The following RRN3 variants were observed in gnomAD, a reference collection of about 807,000 sequenced individuals.
RRN3 encodes the protein RNA polymerase I-specific transcription initiation factor RRN3.
Under a neutral mutation model 82.3 loss-of-function variants are expected in RRN3, and 38 were observed. The ratio of observed to expected loss-of-function variants is 0.46; its 90% CI spans 0.36 to 0.61. The LOEUF (loss-of-function observed/expected upper bound fraction) is 0.61, where lower values mean the gene tolerates loss of function less well. Among genes scored for constraint, RRN3 ranks in the 20% least tolerant of loss-of-function variants. RRN3 has a pLI of 0.00. For synonymous variants in RRN3, 284 were observed against 284.3 expected, an observed-to-expected ratio of 1.00 and a Z score of 0.01; for missense variants, 726 against 793.1, an observed-to-expected ratio of 0.92 and a Z score of 1.02.
intron 15 of RRN3, among the ~76,000 whole-genome samples, chr16:15,066,233 A>G (rs561957009): frequency 6.6e-6 from 1 of 152,284 alleles, no homozygotes; most frequent in African/African-American, 2.4e-5. Flanking sequence ...ACTATCAGGT[A>G]AAGTTGAAGA....
intron 17 of RRN3, 101 bp from the exon 18 acceptor site, chr16:15,062,006 G>A (rs1482993180): frequency 8.6e-6 from 10 of 1,163,770 alleles, no homozygotes; most frequent in Non-Finnish European, 1.1e-5. Flanking sequence ...TAAAGATGGT[G>A]AAGAAAATAT....
Position 15,080,007 on chromosome 16 carries a change from G to C in RRN3, c.756C>G (p.Leu252=). 4 of 1,594,724 alleles carry C rather than the reference G, an allele frequency of 2.5e-6. No homozygotes were observed. Among genetic ancestry groups the C allele is most frequent in the Non-Finnish European group, 3.4e-6 (4 of 1,170,732 alleles). The change falls in exon 9 of 18, where the codon CTC becomes CTG. Residue 252 remains leucine, a synonymous_variant. Coordinates refer to ENST00000198767, the MANE Select transcript of RRN3 (RefSeq NM_018427.5). ...EILELIIEKL[L]KLDVNASRQG... ...ATTACTCAATACTTACATCCAACTT[G>C]AGTAGTTTTTCAATAATAAGCTCCA...
chr16:15,086,982 T>G (rs2045935772), intron 3 of RRN3, among the ~76,000 whole-genome samples: 1 of 152,216 alleles, frequency 6.6e-6, no homozygotes, highest in African/African-American at 2.4e-5. Flanking sequence ...ATAGCCCCAT[T>G]CCTCCATGAA....
chr16:15,078,373 T>A (rs1597944721), intron 9 of RRN3, among the ~76,000 whole-genome samples: 1 of 152,142 alleles, frequency 6.6e-6, no homozygotes, highest in East Asian at 1.9e-4. Flanking sequence ...CATCCCCTCC[T>A]TCCACCACAA....
intron 10 of RRN3, among the ~76,000 whole-genome samples, chr16:15,075,408 CA>C (rs2045412404): frequency 6.6e-6 from 1 of 151,522 alleles, no homozygotes; most frequent in Non-Finnish European, 1.5e-5. Flanking sequence ...CCTGTCTCTA[CA>C]AAAATAGAAA....
At chr16:15,075,800 T>G (rs1178147684) in intron 10 of RRN3, among the ~76,000 whole-genome samples, 1 of 152,102 alleles carries the variant, frequency 6.6e-6, no homozygotes, top group East Asian at 1.9e-4. Context: ...GTGCTTTTGG[T>G]GCCGGGCCCC....
intron 8 of RRN3, 25 bp downstream of exon 8, chr16:15,083,488 T>A (rs1280265691): frequency 6.2e-7 from 1 of 1,607,128 alleles, no homozygotes. Flanking sequence ...TTTTCCATGA[T>A]GTTCTCAATG....
chr16:15,077,293 G>C (rs1249696691), intron 9 of RRN3, among the ~76,000 whole-genome samples: 1 of 152,094 alleles, frequency 6.6e-6, no homozygotes, highest in African/African-American at 2.4e-5. Flanking sequence ...ATCTCATCTT[G>C]AATCGTACTC....
intron 13 of RRN3, 132 bp from the exon 14 acceptor site, chr16:15,070,386 G>A (rs1325319619): frequency 4.0e-5 from 26 of 642,556 alleles, no homozygotes; most frequent in Non-Finnish European, 5.9e-5. Flanking sequence ...ATACCCATGG[G>A]TACAGAGGAA....
intron 9 of RRN3, among the ~76,000 whole-genome samples, chr16:15,078,914 C>A (rs372184743): frequency 3.9e-5 from 6 of 151,918 alleles, no homozygotes. Context: ...CGGATTCACA[C>A]CATTCTCCTG....
chr16:15,077,021 C>T (rs2045488700), intron 9 of RRN3, among the ~76,000 whole-genome samples: 1 of 150,914 alleles, frequency 6.6e-6, no homozygotes, highest in Non-Finnish European at 1.5e-5. Context: ...CTCTTGTTGC[C>T]CAGGCTGGAA....
intron 3 of RRN3, among the ~76,000 whole-genome samples, chr16:15,086,726 G>A (rs1344463763): frequency 6.6e-6 from 1 of 152,160 alleles, no homozygotes; most frequent in African/African-American, 2.4e-5. Flanking sequence ...CTGAAAAAGC[G>A]AAATCACCTC....
In RRN3 at chr16:15,076,660, A is replaced by T. The variant is rs552142813; in HGVS notation, c.766-10T>A. 2.8e-5 allele frequency: 43 copies of T among 1,561,636 alleles called. No individual in the cohort carries two copies. The South Asian group carries it at 3.0e-4, about 11-fold the overall frequency. ...GCCGGGATGCATTCACCTATAACAAAGGGAGAAAAAAAAAGAATAAAAGGA... is the reference window on the plus strand; with the variant it reads ...GCCGGGATGCATTCACCTATAACAATGGGAGAAAAAAAAAGAATAAAAGGA... On this transcript the variant is annotated splice_polypyrimidine_tract_variant and intron_variant, in intron 9 of 17. Coordinates refer to ENST00000198767, the MANE Select transcript of RRN3 (RefSeq NM_018427.5).
intron 8 of RRN3, among the ~76,000 whole-genome samples, chr16:15,080,902 C>A (rs1846830563): frequency 6.6e-6 from 1 of 151,766 alleles, no homozygotes; most frequent in African/African-American, 2.4e-5. Context: ...ACATGTAAAC[C>A]ATTCCTCTCA....
chr16:15,072,230 C>T (rs897910671), intron 12 of RRN3, among the ~76,000 whole-genome samples: 199 of 119,650 alleles, frequency 1.7e-3, no homozygotes, highest in Non-Finnish European at 2.2e-3. Flanking sequence ...AAGCCTTCTA[C>T]ATTCTTTCCC....
At chr16:15,089,375 G>A (rs1476742671) in intron 3 of RRN3, among the ~76,000 whole-genome samples, 1 of 152,090 alleles carries the variant, frequency 6.6e-6, no homozygotes, top group South Asian at 2.1e-4. Context: ...TAGGACACAG[G>A]TAGATTTCAA....
chr16:15,089,414 C>A (rs1347176491), intron 3 of RRN3, among the ~76,000 whole-genome samples: 1 of 152,078 alleles, frequency 6.6e-6, no homozygotes, highest in African/African-American at 2.4e-5. Flanking sequence ...GGAGATCACA[C>A]AGAAGAATCA....
At chr16:15,078,928 C>T (rs2045577562) in intron 9 of RRN3, among the ~76,000 whole-genome samples, 1 of 151,868 alleles carries the variant, frequency 6.6e-6, no homozygotes, top group African/African-American at 2.4e-5. Context: ...TCTCCTGCCT[C>T]AGCCTCCCGA....
intron 10 of RRN3, among the ~76,000 whole-genome samples, chr16:15,075,390 C>G (rs776210878): frequency 1.6e-4 from 25 of 151,592 alleles, no homozygotes; most frequent in Non-Finnish European, 3.2e-4. Context: ...CTGGGCAACA[C>G]AGTGAGACCT....
Sources: gnomAD v4.1 joint callset for allele counts (sites outside exome capture counted in the v4.1 genomes callset) on GRCh38, gnomAD v4.1.1 for gene constraint, MANE v1.5 for transcripts, NCBI Gene and HGNC (gene_info 2026-07-23, HGNC 2026-07-21) for gene names.